The following PPARGC1A variants were observed in gnomAD, a reference collection of about 807,000 sequenced individuals.
The protein encoded by PPARGC1A is PPARG coactivator 1 alpha, also known as peroxisome proliferator-activated receptor gamma coactivator 1-alpha.
PPARGC1A carries 25 observed loss-of-function variants against 88.7 expected under a neutral mutation model. The ratio of observed to expected loss-of-function variants is 0.28; its 90% CI spans 0.21 to 0.39. PPARGC1A has a LOEUF of 0.39. Among genes scored for constraint, PPARGC1A ranks in the 10% least tolerant of loss-of-function variants. The pLI is 1.00. For missense variants in PPARGC1A, 880 were observed against 968.7 expected (o/e 0.91, Z 1.22); for synonymous variants, 363 against 355.6 (o/e 1.02, Z -0.24).
intron 2 of PPARGC1A, among the ~76,000 whole-genome samples, chr4:23,865,729 A>G (rs1037287324): frequency 2.6e-5 from 4 of 152,174 alleles, no homozygotes; most frequent in Admixed American, 2.6e-4. Context: ...TCTGGCGATT[A>G]ATTGCCTCAC....
At chr4:23,903,164 T>G (rs1719617601), upstream of PPARGC1A, among the ~76,000 whole-genome samples, 1 of 152,192 alleles carries the variant, frequency 6.6e-6, no homozygotes, top group South Asian at 2.1e-4. Flanking sequence ...CCCATCCTAT[T>G]TACTCTATTT....
At chr4:23,866,400 A>G (rs1185229997) in intron 2 of PPARGC1A, among the ~76,000 whole-genome samples, 1 of 152,214 alleles carries the variant, frequency 6.6e-6, no homozygotes, top group African/African-American at 2.4e-5. Context: ...TTTTATAACC[A>G]TGAGCCTCCA....
At chr4:23,873,184 C>A (rs1323408162) in intron 2 of PPARGC1A, among the ~76,000 whole-genome samples, 1 of 124,662 alleles carries the variant, frequency 8.0e-6, no homozygotes, top group African/African-American at 3.0e-5. Flanking sequence ...GGCGACAGAG[C>A]GAGACTCCGT....
intron 2 of PPARGC1A, among the ~76,000 whole-genome samples, chr4:23,877,109 G>A (rs1217625077): frequency 6.6e-6 from 1 of 152,110 alleles, no homozygotes; most frequent in Non-Finnish European, 1.5e-5. Flanking sequence ...CCAAGAATAA[G>A]AGTGTGTATT....
the PPARGC1A span, among the ~76,000 whole-genome samples, chr4:24,002,095 C>CAGAGAGAG: frequency 1.6e-3 from 191 of 116,896 alleles, no homozygotes; most frequent in East Asian, 0.012. Flanking sequence ...CACACACACA[C>CAGAGAGAG]ACAGAGAGAG....
At chr4:24,098,763 C>T in the PPARGC1A span, among the ~76,000 whole-genome samples, 14 of 152,152 alleles carry the variant, frequency 9.2e-5, no homozygotes, top group Non-Finnish European at 1.5e-5. Context: ...ATTTAGTAGA[C>T]ATTTATTAAT....
chr4:24,387,824 G>GGA, the PPARGC1A span, among the ~76,000 whole-genome samples: 2 of 64,946 alleles, frequency 3.1e-5, no homozygotes, highest in African/African-American at 8.0e-5. Context: ...AAGAAAGAAA[G>GGA]AGAGAAAGAG....
At chr4:24,261,250 A>C in the PPARGC1A span, among the ~76,000 whole-genome samples, 2 of 151,966 alleles carry the variant, frequency 1.3e-5, no homozygotes, top group African/African-American at 4.8e-5. Context: ...AGGCAAATCT[A>C]TCTCTCCCTC....
At chr4:24,085,772 G>C in the PPARGC1A span, among the ~76,000 whole-genome samples, 4 of 152,188 alleles carry the variant, frequency 2.6e-5, no homozygotes, top group African/African-American at 9.6e-5. Flanking sequence ...CATCTACTCT[G>C]TGAAATTGTC....
the PPARGC1A span, among the ~76,000 whole-genome samples, chr4:23,982,804 C>G: frequency 5.3e-5 from 8 of 152,242 alleles, no homozygotes. Flanking sequence ...AAGATAACGT[C>G]TGTAAAGCAG....
the PPARGC1A span, among the ~76,000 whole-genome samples, chr4:24,385,237 A>C: frequency 6.6e-6 from 1 of 152,198 alleles, no homozygotes; most frequent in Admixed American, 6.5e-5. Flanking sequence ...GGGCACCGCT[A>C]AAGCAGTGTT....
chr4:24,417,706 T>A, the PPARGC1A span, among the ~76,000 whole-genome samples: 1 of 152,192 alleles, frequency 6.6e-6, no homozygotes, highest in East Asian at 1.9e-4. Flanking sequence ...AATGTAGAAA[T>A]AATTTGTCGA....
the PPARGC1A span, among the ~76,000 whole-genome samples, chr4:24,059,367 G>A: frequency 6.6e-6 from 1 of 152,160 alleles, no homozygotes; most frequent in Non-Finnish European, 1.5e-5. Context: ...GGGAATTGCA[G>A]TGTTAGAGGA....
the PPARGC1A span, among the ~76,000 whole-genome samples, chr4:23,999,522 G>T: frequency 6.6e-6 from 1 of 152,260 alleles, no homozygotes; most frequent in Admixed American, 6.5e-5. Flanking sequence ...TTTTGTTGTT[G>T]TTGTTGTTGT....
chr4:23,947,398 A>ATATAT, the PPARGC1A span, among the ~76,000 whole-genome samples: 342 of 17,372 alleles, frequency 0.02, 1 homozygote, highest in Non-Finnish European at 0.02. Context: ...TATATATATA[A>ATATAT]AAAAAACGGT....
chr4:24,008,685 C>A, the PPARGC1A span, among the ~76,000 whole-genome samples: 1 of 131,092 alleles, frequency 7.6e-6, no homozygotes, highest in Non-Finnish European at 1.6e-5. Flanking sequence ...GAAAATCTAA[C>A]TCCTAATGGC....
chr4:24,083,589 GGTCA>G, the PPARGC1A span, among the ~76,000 whole-genome samples: 2 of 152,142 alleles, frequency 1.3e-5, no homozygotes, highest in Admixed American at 1.3e-4. Context: ...GGGTGAAAAT[GGTCA>G]GTGAGACGTC....
chr4:24,470,277 G>GACACACACACACACACACACACACACAC, the PPARGC1A span, among the ~76,000 whole-genome samples: 85 of 110,720 alleles, frequency 7.7e-4, 1 homozygote, highest in South Asian at 2.8e-3. The surrounding 1 kb of genome is among the most constrained non-coding windows in gnomAD (Gnocchi z 5.8). Context: ...GACAGACACA[G>GACACACACACACACACACACACACACAC]ACACACACAC....
chr4:24,051,528 G>GAGGGT, the PPARGC1A span, among the ~76,000 whole-genome samples: 1 of 152,188 alleles, frequency 6.6e-6, no homozygotes, highest in Admixed American at 6.5e-5. Flanking sequence ...TTACAGATAA[G>GAGGGT]AGGGTAGAAG....
Sources: gnomAD v4.1 joint callset for allele counts (sites outside exome capture counted in the v4.1 genomes callset) on GRCh38, gnomAD v4.1.1 for gene constraint, Gnocchi (gnomAD v3.1) non-coding constraint, MANE v1.5 for transcripts, NCBI Gene and HGNC (gene_info 2026-07-23, HGNC 2026-07-21) for gene names.